The following SAMD4A variants were observed in gnomAD, a reference collection of about 807,000 sequenced individuals.
SAMD4A encodes sterile alpha motif domain containing 4A.
SAMD4A carries 33 observed loss-of-function variants against 81.3 expected under a neutral mutation model. The ratio of observed to expected loss-of-function variants is 0.41; its 90% CI spans 0.31 to 0.54. The LOEUF (loss-of-function observed/expected upper bound fraction) is 0.54, where lower values mean the gene tolerates loss of function less well. SAMD4A is among the 20% of genes least tolerant of loss of function. The pLI is 0.37. For synonymous variants in SAMD4A, 389 were observed against 382.1 expected (o/e 1.02, Z -0.21); for missense variants, 854 against 951.1 (o/e 0.90, Z 1.34).
chr14:54,664,071 A>T (rs1203153993), intron 2 of SAMD4A, among the ~76,000 whole-genome samples: 1 of 152,262 alleles, frequency 6.6e-6, no homozygotes, highest in East Asian at 1.9e-4. Flanking sequence ...GCTAAAAAAT[A>T]AATTGAGGCC....
intron 8 of SAMD4A, among the ~76,000 whole-genome samples, chr14:54,764,786 A>C (rs12893113): frequency 0.36 from 54,532 of 152,022 alleles, 10,334 homozygotes; most frequent in African/African-American, 0.47. Flanking sequence ...GCCTGCAACG[A>C]CTTCTGGCTG....
intron 8 of SAMD4A, among the ~76,000 whole-genome samples, chr14:54,765,955 C>A (rs1267377497): frequency 6.6e-6 from 1 of 152,168 alleles, no homozygotes; most frequent in East Asian, 1.9e-4. Flanking sequence ...CTTATGTGCC[C>A]AAGCGGCTCT....
chr14:54,708,405 A>AGTAGGTAGTGGGAT (rs1295645228), intron 3 of SAMD4A, among the ~76,000 whole-genome samples: 1 of 152,212 alleles, frequency 6.6e-6, no homozygotes. Flanking sequence ...GGAGATACTG[A>AGTAGGTAGTGGGAT]GTAGGTAGTG....
intron 2 of SAMD4A, among the ~76,000 whole-genome samples, chr14:54,668,347 C>A (rs1357263614): frequency 6.6e-6 from 1 of 152,178 alleles, no homozygotes; most frequent in Admixed American, 6.5e-5. Flanking sequence ...ATTTCTCTCC[C>A]CTTGGAGTTT....
intron 2 of SAMD4A, among the ~76,000 whole-genome samples, chr14:54,615,452 G>T (rs755812108): frequency 3.3e-5 from 5 of 152,200 alleles, no homozygotes; most frequent in African/African-American, 4.8e-5. Flanking sequence ...GACTCCTCAA[G>T]TTGCAACTCT....
At chr14:54,748,384 G>A (rs766044278) in intron 4 of SAMD4A, among the ~76,000 whole-genome samples, 11 of 152,170 alleles carry the variant, frequency 7.2e-5, no homozygotes, top group Non-Finnish European at 1.3e-4. Context: ...TCTAACATTC[G>A]AAGCCAGCTC....
intron 4 of SAMD4A, among the ~76,000 whole-genome samples, chr14:54,748,495 C>T (rs986065561): frequency 3.9e-5 from 6 of 152,158 alleles, no homozygotes; most frequent in African/African-American, 9.7e-5. Context: ...GGATGGCCCT[C>T]TGCCCAGAAA....
At chr14:54,625,932 C>T (rs968544130) in intron 2 of SAMD4A, among the ~76,000 whole-genome samples, 2 of 151,842 alleles carry the variant, frequency 1.3e-5, no homozygotes, top group Admixed American at 6.6e-5. Context: ...CCGAAGCATG[C>T]TAAGCAAAGT....
intron 2 of SAMD4A, chr14:54,652,631 A>C (rs1262177599): frequency 6.6e-6 from 1 of 152,024 alleles, no homozygotes; most frequent in African/African-American, 2.4e-5. Flanking sequence ...ATTTCTGGAT[A>C]GCCTCACCCA....
At chr14:54,634,286 G>A (rs1271491509) in intron 2 of SAMD4A, among the ~76,000 whole-genome samples, 6 of 118,158 alleles carry the variant, frequency 5.1e-5, no homozygotes, top group African/African-American at 1.3e-4. Flanking sequence ...ACTCCATCTC[G>A]GGGGGGTGGG....
At chr14:54,594,128 A>G (rs1289029014) in intron 2 of SAMD4A, among the ~76,000 whole-genome samples, 2 of 152,248 alleles carry the variant, frequency 1.3e-5, no homozygotes, top group East Asian at 3.8e-4. Context: ...AGAGGTAGAT[A>G]ACATAGAAAG....
chr14:54,738,356 G>A (rs1377950513), intron 4 of SAMD4A, among the ~76,000 whole-genome samples: 1 of 152,160 alleles, frequency 6.6e-6, no homozygotes. Context: ...CTGAAAAAAT[G>A]GAGCTTGTCA....
rs143473345 is a variant in SAMD4A, at chr14:54,763,379, A to G, written c.1511-1076A>G. Among the ~76,000 whole-genome samples, 8 of 152,222 alleles carry G rather than the reference A, an allele frequency of 5.3e-5. No homozygotes were observed. In the East Asian group the frequency reaches 1.4e-3, roughly 26 times the overall value. ...AAATAATAAAATTTAAAAAGTATAT[A>G]TACTTACAATATTTCTATCAGTACA... On this transcript the variant is annotated intron_variant, in intron 7 of 12. Transcript: ENST00000554335.
intron 2 of SAMD4A, among the ~76,000 whole-genome samples, chr14:54,700,587 A>G (rs1387456498): frequency 2.0e-5 from 3 of 152,182 alleles, no homozygotes; most frequent in East Asian, 3.8e-4. Context: ...CCTTCTAGAT[A>G]TGGCATAAAA....
At chr14:54,723,733 C>A (rs1364921543) in intron 3 of SAMD4A, among the ~76,000 whole-genome samples, 1 of 152,144 alleles carries the variant, frequency 6.6e-6, no homozygotes, top group African/African-American at 2.4e-5. Context: ...CTGTTTGCAT[C>A]TGTGCAGCCT....
intron 12 of SAMD4A, among the ~76,000 whole-genome samples, chr14:54,785,826 CA>C (rs983581942): frequency 6.6e-5 from 10 of 152,338 alleles, no homozygotes; most frequent in African/African-American, 2.4e-4. Context: ...ACCTTAGCAT[CA>C]GGGGGAGCTG....
chr14:54,716,220 C>T (rs1056107822), intron 3 of SAMD4A, among the ~76,000 whole-genome samples: 6 of 152,158 alleles, frequency 3.9e-5, no homozygotes, highest in African/African-American at 7.2e-5. Context: ...TACCCATTTT[C>T]GGTTAAAAAA....
chr14:54,598,585 C>T (rs181943032), intron 2 of SAMD4A, among the ~76,000 whole-genome samples: 233 of 152,308 alleles, frequency 1.5e-3, no homozygotes, highest in Non-Finnish European at 2.8e-3. Flanking sequence ...TTGGACTCTT[C>T]CTTAGGAAAA....
At chr14:54,759,060 CT>C (rs1269724436) in intron 6 of SAMD4A, among the ~76,000 whole-genome samples, 2 of 152,164 alleles carry the variant, frequency 1.3e-5, no homozygotes, top group Admixed American at 6.5e-5. Context: ...TCAGAATCAA[CT>C]TTTATTTCTT....
Sources: gnomAD v4.1 joint callset for allele counts (sites outside exome capture counted in the v4.1 genomes callset) on GRCh38, gnomAD v4.1.1 for gene constraint, MANE v1.5 for transcripts, NCBI Gene and HGNC (gene_info 2026-07-23, HGNC 2026-07-21) for gene names.